Variants in ATP8B4 observed in about 807,000 individuals in gnomAD.
ATP8B4 encodes probable phospholipid-transporting ATPase IM.
Under a neutral mutation model 145.6 loss-of-function variants are expected in ATP8B4, and 133 were observed. That is an observed-to-expected ratio of 0.91 (90% CI 0.79 to 1.05). The LOEUF (loss-of-function observed/expected upper bound fraction) is 1.05. Among genes scored for constraint, ATP8B4 ranks in the 50% least tolerant of loss-of-function variants. ATP8B4 has a pLI of 0.00. For missense variants in ATP8B4, 1,458 were observed against 1,425.2 expected, an observed-to-expected ratio of 1.02 and a Z score of -0.37; for synonymous variants, 507 against 492.9, an observed-to-expected ratio of 1.03 and a Z score of -0.38.
intron 23 of ATP8B4, chr15:49,879,708 C>A (rs1015192651): frequency 8.3e-5 from 31 of 375,134 alleles, no homozygotes; most frequent in African/African-American, 5.9e-4. Context: ...GCAGTGAGGA[C>A]AAAATAATAC....
At chr15:49,889,267 G>T (rs1343731519) in intron 23 of ATP8B4, among the ~76,000 whole-genome samples, 1 of 152,136 alleles carries the variant, frequency 6.6e-6, no homozygotes, top group Non-Finnish European at 1.5e-5. Flanking sequence ...GCTCCTGCAG[G>T]ATCAGGATCC....
At chr15:49,919,099 G>T in intron 18 of ATP8B4, 149 bp from the exon 19 acceptor site, 1 of 630,500 alleles carries the variant, frequency 1.6e-6, no homozygotes, top group Non-Finnish European at 2.7e-6. Context: ...ATCCTATTTT[G>T]TGTGAAAGTG....
intron 1 of ATP8B4, among the ~76,000 whole-genome samples, chr15:50,170,294 AG>A (rs1428850437): frequency 6.6e-6 from 1 of 152,206 alleles, no homozygotes; most frequent in African/African-American, 2.4e-5. Context: ...TAGCCTATAA[AG>A]GAAAACCTAT....
intron 3 of ATP8B4, among the ~76,000 whole-genome samples, chr15:50,053,544 G>A (rs899575147): frequency 3.9e-5 from 6 of 152,208 alleles, no homozygotes; most frequent in Non-Finnish European, 8.8e-5. Context: ...ACTGCCTGAT[G>A]TATGCTTACA....
At chr15:50,157,379 G>A (rs966310498) in intron 1 of ATP8B4, among the ~76,000 whole-genome samples, 1 of 152,148 alleles carries the variant, frequency 6.6e-6, no homozygotes, top group Admixed American at 6.5e-5. Context: ...AGCTCAAAGA[G>A]CTCAATGAAG....
intron 2 of ATP8B4, among the ~76,000 whole-genome samples, chr15:50,078,638 A>T (rs777032678): frequency 1.2e-4 from 18 of 152,092 alleles, no homozygotes; most frequent in Non-Finnish European, 1.9e-4. Context: ...CCAGAGTAAG[A>T]TGTAACTCTT....
chr15:49,947,436 T>TC (rs2042670252), intron 14 of ATP8B4, among the ~76,000 whole-genome samples: 1 of 43,478 alleles, frequency 2.3e-5, no homozygotes, highest in Non-Finnish European at 4.6e-5. Context: ...AGACTCTGTC[T>TC]CAAAAAAAAA....
intron 20 of ATP8B4, among the ~76,000 whole-genome samples, chr15:49,912,753 T>C (rs2039361152): frequency 6.6e-6 from 1 of 152,064 alleles, no homozygotes; most frequent in Admixed American, 6.5e-5. Context: ...CTGATGAACA[T>C]AGACATAAAT....
In ATP8B4 at chr15:49,879,413, G is replaced by A. The variant is rs749390435; in HGVS notation, c.2744C>T (p.Thr915Ile). Reference protein sequence around the residue: ...WFITLFNIVYTSLPVLAMGIF... With the variant: ...WFITLFNIVYISLPVLAMGIF... Reference sequence around the variant, plus strand: ...CCCCATGGCTAAAACAGGCAGTGATGTGTAAACAATGTTAAAAAGGGTGAT... The same window carrying A: ...CCCCATGGCTAAAACAGGCAGTGATATGTAAACAATGTTAAAAAGGGTGAT... The change falls in exon 24 of 28, where the codon ACA (threonine) becomes ATA (isoleucine). Residue 915 changes from threonine (T) to isoleucine (I), a missense_variant. Physicochemically the swap from Thr to Ile is moderately conservative, Grantham distance 89. Coordinates refer to ENST00000284509, the MANE Select transcript of ATP8B4 (RefSeq NM_024837.4). 2 of 1,613,208 alleles carry A rather than the reference G, an allele frequency of 1.2e-6. No homozygotes were observed. The highest frequency in any genetic ancestry group is 1.7e-6 in the Non-Finnish European group (2 of 1,179,452).
intron 3 of ATP8B4, among the ~76,000 whole-genome samples, chr15:50,048,688 A>T (rs1246291677): frequency 6.6e-6 from 1 of 150,544 alleles, no homozygotes; most frequent in Non-Finnish European, 1.5e-5. Context: ...AGCCTGGGTG[A>T]TGGAGCAAGA....
intron 6 of ATP8B4, among the ~76,000 whole-genome samples, chr15:50,029,255 A>AAAAAAAAAAAAAAAAAAAAAAAAC (rs776952913): frequency 3.6e-4 from 51 of 141,230 alleles, no homozygotes; most frequent in Middle Eastern, 3.7e-3. Flanking sequence ...AAAAAAAAAA[A>AAAAAAAAAAAAAAAAAAAAAAAAC]AACAGAAAAA....
intron 6 of ATP8B4, among the ~76,000 whole-genome samples, chr15:50,022,849 T>G (rs780810312): frequency 1.1e-4 from 17 of 152,202 alleles, no homozygotes; most frequent in Admixed American, 2.0e-4. Context: ...TTTCTCATAT[T>G]TTAGGAATGA....
chr15:50,009,530 T>G (rs2048566744), intron 7 of ATP8B4: 1 of 359,936 alleles, frequency 2.8e-6, no homozygotes, highest in African/African-American at 2.2e-5. Context: ...ATAAAGTCTT[T>G]ACTGTCACTG....
intron 2 of ATP8B4, among the ~76,000 whole-genome samples, chr15:50,099,246 T>C (rs907638611): frequency 1.1e-4 from 16 of 152,226 alleles, no homozygotes; most frequent in Admixed American, 3.3e-4. Flanking sequence ...ACCTTCTTCC[T>C]GATTGCGGAA....
intron 26 of ATP8B4, 139 bp downstream of exon 26, chr15:49,866,207 C>A (rs565340103): frequency 9.1e-6 from 11 of 1,212,096 alleles, no homozygotes; most frequent in Non-Finnish European, 1.1e-5. Flanking sequence ...AACTCGGAAG[C>A]CTTCAGATGC....
intron 6 of ATP8B4, among the ~76,000 whole-genome samples, chr15:50,011,575 C>A (rs2048724019): frequency 6.6e-6 from 1 of 152,042 alleles, no homozygotes; most frequent in South Asian, 2.1e-4. Flanking sequence ...ATGATGGAGC[C>A]CCAAGACCAC....
intron 7 of ATP8B4, among the ~76,000 whole-genome samples, chr15:50,002,879 T>G (rs550367349): frequency 9.2e-5 from 14 of 152,290 alleles, no homozygotes; most frequent in African/African-American, 3.4e-4. Flanking sequence ...GATAAACAGT[T>G]CTATTCTGAT....
intron 9 of ATP8B4, among the ~76,000 whole-genome samples, chr15:49,992,245 G>A (rs1199746602): frequency 6.6e-6 from 1 of 152,122 alleles, no homozygotes; most frequent in Non-Finnish European, 1.5e-5. Context: ...TCAGCATCAT[G>A]TTTAGGGCCT....
At chr15:50,072,928 CT>C (rs2053853840) in intron 3 of ATP8B4, among the ~76,000 whole-genome samples, 1 of 10,500 alleles carries the variant, frequency 9.5e-5, no homozygotes, top group Non-Finnish European at 1.7e-4. Flanking sequence ...CGGCCTCTCT[CT>C]CTCTCTCTCT....
Sources: gnomAD v4.1 joint callset for allele counts (sites outside exome capture counted in the v4.1 genomes callset) on GRCh38, gnomAD v4.1.1 for gene constraint, MANE v1.5 for transcripts, NCBI Gene and HGNC (gene_info 2026-07-23, HGNC 2026-07-21) for gene names.